ITPR1: variants seen among roughly 807,000 people sequenced by gnomAD.
ITPR1 encodes inositol 1,4,5-trisphosphate receptor type 1.
Under a neutral mutation model 318.4 loss-of-function variants are expected in ITPR1, and 96 were observed. The ratio of observed to expected loss-of-function variants is 0.30; its 90% CI spans 0.26 to 0.36. The LOEUF (loss-of-function observed/expected upper bound fraction) is 0.36. ITPR1 is among the 10% of genes least tolerant of loss of function. The pLI is 1.00. For missense variants in ITPR1, 2,440 were observed against 3,460.2 expected (o/e 0.71, Z 7.40); for synonymous variants, 1,312 against 1,289.9 (o/e 1.02, Z -0.37).
intron 4 of ITPR1, among the ~76,000 whole-genome samples, chr3:4,607,361 G>A (rs1028164507): frequency 4.6e-5 from 7 of 152,110 alleles, no homozygotes; most frequent in Non-Finnish European, 7.4e-5. Context: ...TTGCAGGGCC[G>A]CTTGCCTTAG....
chr3:4,641,100 T>C (rs1433805259), intron 6 of ITPR1, among the ~76,000 whole-genome samples: 2 of 152,232 alleles, frequency 1.3e-5, no homozygotes, highest in Non-Finnish European at 1.5e-5. Context: ...ATAATCGCAA[T>C]TAGCAATGGA....
At chr3:4,807,315 G>A (rs115984474) in intron 55 of ITPR1, among the ~76,000 whole-genome samples, 168 of 152,336 alleles carry the variant, frequency 1.1e-3, no homozygotes, top group African/African-American at 3.9e-3. Flanking sequence ...CTGAGGAGCA[G>A]TTCAGCATCA....
At chr3:4,793,554 T>A (rs187942851) in intron 52 of ITPR1, among the ~76,000 whole-genome samples, 1 of 152,360 alleles carries the variant, frequency 6.6e-6, no homozygotes, top group East Asian at 1.9e-4. Flanking sequence ...ATAGCTGTTG[T>A]TTCTAGAGCA....
Position 4,675,189 on chromosome 3 carries a change from T to C in ITPR1, c.2720T>C (p.Ile907Thr). Residue 907 changes from isoleucine to threonine, a missense_variant, in exon 23 of 62, where the codon ATT becomes ACT. Transcript: ENST00000649015. ...GTACATGTGACAACAATCTTCCCCA[T>C]TAGCAAGATGGCGAAAGGAGAAGAG... ...DCVHVTTIFP[I>T]SKMAKGEENK... 1 of 1,612,738 alleles carries C rather than the reference T, an allele frequency of 6.2e-7. No individual in the cohort carries two copies. Among genetic ancestry groups the C allele is most frequent in the Non-Finnish European group, 8.5e-7 (1 of 1,179,340 alleles).
intron 44 of ITPR1, among the ~76,000 whole-genome samples, chr3:4,762,473 ACT>A (rs2045523070): frequency 6.6e-6 from 1 of 152,138 alleles, no homozygotes; most frequent in Non-Finnish European, 1.5e-5. Flanking sequence ...GGCCTTTCTG[ACT>A]CTGGAAACAG....
chr3:4,787,569 G>A (rs1254771316), intron 51 of ITPR1, among the ~76,000 whole-genome samples: 16 of 149,020 alleles, frequency 1.1e-4, no homozygotes, highest in South Asian at 2.1e-4. Context: ...GTGAAGGTGC[G>A]TGCCTGTAAT....
chr3:4,764,285 G>T (rs2045660097), intron 44 of ITPR1, among the ~76,000 whole-genome samples: 1 of 152,236 alleles, frequency 6.6e-6, no homozygotes, highest in Admixed American at 6.5e-5. Context: ...TTATTTTGGA[G>T]ATTTATTTCT....
intron 15 of ITPR1, 94 bp from the exon 16 acceptor site, chr3:4,662,971 A>T: frequency 9.0e-7 from 1 of 1,105,754 alleles, no homozygotes; most frequent in Non-Finnish European, 1.3e-6. Flanking sequence ...GCCCCTGTTT[A>T]ACTGGCTCAT....
rs1004546657 is a variant in ITPR1, at chr3:4,846,353, A to G, written c.*128A>G. ...TACATTTGTAAATACTCAGTTTTAT[A>G]CTGTATGTATATGATTGCTACTCTA... On this transcript the variant is annotated 3_prime_UTR_variant, in exon 62 of 62. Coordinates refer to ENST00000649015, the MANE Select transcript of ITPR1 (RefSeq NM_001378452.1). The G allele has an allele frequency of 1.7e-6, 1 of 596,062 alleles. No homozygotes were observed. Among genetic ancestry groups the G allele is most frequent in the Admixed American group, 2.9e-5 (1 of 34,692 alleles). 36.9% of individuals were successfully genotyped at this position (596,062 alleles called of 1,614,324 possible). A position where few individuals can be genotyped will look rare whatever the true frequency, so the allele number is the denominator to read the frequency against.
At chr3:4,558,681 T>C (rs2086378239) in intron 4 of ITPR1, among the ~76,000 whole-genome samples, 1 of 152,216 alleles carries the variant, frequency 6.6e-6, no homozygotes, top group Non-Finnish European at 1.5e-5. Context: ...AAAAGAACTA[T>C]GAATATGTCT....
chr3:4,608,874 C>T lies in ITPR1; in HGVS notation c.164-18889C>T, dbSNP rs555019610. The stretch of plus-strand genomic sequence containing the variant: ...AAAATTAGCCTGGTGTGGTGGCACA[C>T]GCCGGTAATCCCAGCTACTTGGGAG... On this transcript the variant is annotated intron_variant, in intron 4 of 61. Coordinates refer to ENST00000649015, the MANE Select transcript of ITPR1 (RefSeq NM_001378452.1). Among the ~76,000 whole-genome samples the T allele has an allele frequency of 7.9e-5, 12 of 151,078 alleles. No individual in the cohort carries two copies. The South Asian group carries it at 1.1e-3, about 13-fold the overall frequency.
chr3:4,816,015 C>T (rs977806210), intron 59 of ITPR1, among the ~76,000 whole-genome samples: 1 of 145,364 alleles, frequency 6.9e-6, no homozygotes, highest in African/African-American at 2.5e-5. Context: ...CACACACACA[C>T]ATTTTCTAAT....
At chr3:4,775,505 G>A in intron 47 of ITPR1, 63 bp downstream of exon 47, 1 of 1,266,034 alleles carries the variant, frequency 7.9e-7, no homozygotes, top group East Asian at 2.3e-5. Context: ...TGTTGATAGA[G>A]ACTAGTTCAG....
chr3:4,501,499 C>A (rs145209471), intron 2 of ITPR1, among the ~76,000 whole-genome samples: 106 of 152,344 alleles, frequency 7.0e-4, no homozygotes, highest in African/African-American at 2.5e-3. Flanking sequence ...TTCACACACA[C>A]GTGAAAATAC....
At position 4,711,809 on chromosome 3, in the gene ITPR1, A is replaced by C. The variant is rs374156463; in HGVS notation, c.5044A>C (p.Ile1682Leu). The C allele has an allele frequency of 5.1e-6, 8 of 1,554,172 alleles. No individual in the cohort carries two copies. The highest frequency in any genetic ancestry group is 7.0e-6 in the Non-Finnish European group (8 of 1,147,892). ...LLEENEEKLC[I>L]KVLQTLREMM... ...AGAAGAAAATGAAGAGAAGCTCTGC[A>C]TTAAGGTCCTACAGACCCTGAGGGA... Residue 1682 changes from isoleucine to leucine, a missense_variant, in exon 39 of 62, where the codon ATT becomes CTT. Transcript: ENST00000649015.
chr3:4,549,049 T>A (rs1298098703), intron 4 of ITPR1, among the ~76,000 whole-genome samples: 1 of 152,216 alleles, frequency 6.6e-6, no homozygotes. Flanking sequence ...AGGCCACTCT[T>A]GGTTGTCAAG....
Position 4,840,791 on chromosome 3 carries a change from AAGG to A in ITPR1, c.8190+3862_8190+3864del, listed in dbSNP as rs2051287776. Among the ~76,000 whole-genome samples the A allele has an allele frequency of 4.6e-5, 7 of 152,296 alleles. No individual in the cohort carries two copies. The South Asian group carries it at 1.4e-3, about 32-fold the overall frequency. ...TGTGATTCTCTTACATTCTTATTCC[AAGG>A]AGGAGAACTAATGTAAGAACTTAAA... is the stretch of plus-strand genomic sequence containing the variant. On this transcript the variant is annotated intron_variant, in intron 61 of 61. Transcript: ENST00000649015.
chr3:4,813,408 A>G lies in ITPR1; in HGVS notation c.7561+174A>G, dbSNP rs143084129. Among the ~76,000 whole-genome samples, 36 of 152,346 alleles carry G rather than the reference A, an allele frequency of 2.4e-4. 1 individual carries two copies. In the East Asian group the frequency reaches 6.2e-3, roughly 26 times the overall value. ...AGGGAAAAGAAGGTTACACCTGAAG[A>G]AAAGATCTGATGTGATTCAGCCGAT... On this transcript the variant is annotated intron_variant, in intron 57 of 61. Transcript: ENST00000649015.
intron 44 of ITPR1, among the ~76,000 whole-genome samples, chr3:4,762,563 A>G (rs2045528273): frequency 6.6e-6 from 1 of 152,220 alleles, no homozygotes; most frequent in Non-Finnish European, 1.5e-5. Flanking sequence ...TACTAATGTA[A>G]TGGTAGTAGA....
Sources: gnomAD v4.1 joint callset for allele counts (sites outside exome capture counted in the v4.1 genomes callset) on GRCh38, gnomAD v4.1.1 for gene constraint, MANE v1.5 for transcripts, NCBI Gene and HGNC (gene_info 2026-07-23, HGNC 2026-07-21) for gene names.